The following QSOX1 variants were observed in gnomAD, a reference collection of about 807,000 sequenced individuals.
QSOX1 encodes quiescin sulfhydryl oxidase 1.
QSOX1 carries 40 observed loss-of-function variants against 76.1 expected under a neutral mutation model. The observed-to-expected ratio is 0.53, with a 90% CI of 0.41 to 0.68. The LOEUF is 0.68. Among genes scored for constraint, QSOX1 ranks in the 30% least tolerant of loss-of-function variants. QSOX1 has a pLI of 0.00. For synonymous variants in QSOX1, 392 were observed against 413.1 expected, an observed-to-expected ratio of 0.95 and a Z score of 0.62; for missense variants, 931 against 974.3, an observed-to-expected ratio of 0.96 and a Z score of 0.59.
chr1:180,155,152 C>T lies in QSOX1; in HGVS notation c.245C>T (p.Ala82Val). The T allele has an allele frequency of 1.3e-6, 2 of 1,519,206 alleles. No individual in the cohort carries two copies. Among genetic ancestry groups the T allele is most frequent in the Non-Finnish European group, 1.8e-6 (2 of 1,137,756 alleles). The allele number at this position is 1,519,206 out of a possible 1,614,324, so 94.1% of individuals were successfully genotyped here. The change falls in exon 1 of 12, where the codon GCG becomes GTG. Residue 82 changes from alanine to valine, a missense_variant. Coordinates refer to ENST00000367602, the MANE Select transcript of QSOX1 (RefSeq NM_002826.5). ...HCIAFAPTWK[A>V]LAEDVKAWRP... ...ATCGCCTTCGCCCCGACGTGGAAGG[C>T]GCTGGCCGAAGACGTCAAAGGTGAG...
chr1:180,159,835 C>A (rs1485267118), intron 1 of QSOX1, among the ~76,000 whole-genome samples: 1 of 152,154 alleles, frequency 6.6e-6, no homozygotes, highest in Non-Finnish European at 1.5e-5. Context: ...CAGTCCCAAC[C>A]AATGGCCTCC....
intron 5 of QSOX1, 44 bp from the exon 6 acceptor site, chr1:180,182,130 T>TCCA: frequency 6.2e-7 from 1 of 1,608,070 alleles, no homozygotes; most frequent in Non-Finnish European, 8.5e-7. Flanking sequence ...CCTGGCTCCC[T>TCCA]CCACCCGGTG....
rs1008019689 is a variant in QSOX1 at position 180,203,105 on chromosome 1, T to G, written c.*6068T>G. The G allele has an allele frequency of 6.6e-6, 1 of 151,692 alleles. No homozygotes were observed. The highest frequency in any genetic ancestry group is 1.5e-5 in the Non-Finnish European group (1 of 67,946). 9.4% of individuals were successfully genotyped at this position (151,692 alleles called of 1,614,324 possible). On this transcript the variant is annotated 3_prime_UTR_variant, in exon 12 of 12. Coordinates refer to ENST00000367602, the MANE Select transcript of QSOX1 (RefSeq NM_002826.5). Reference sequence around the variant, plus strand: ...AAAAAATAAAAATAAAAAAATAAAGTAAAGCTACATATTTAAAAGCTGGGG... The same window carrying G: ...AAAAAATAAAAATAAAAAAATAAAGGAAAGCTACATATTTAAAAGCTGGGG...
intron 1 of QSOX1, among the ~76,000 whole-genome samples, chr1:180,156,767 C>A (rs1662384463): frequency 6.6e-6 from 1 of 152,084 alleles, no homozygotes; most frequent in South Asian, 2.1e-4. Context: ...CACATCTGGT[C>A]AGGGGAGGAG....
chr1:180,156,204 T>TAA (rs1300302550), intron 1 of QSOX1, among the ~76,000 whole-genome samples: 1 of 152,220 alleles, frequency 6.6e-6, no homozygotes, highest in Non-Finnish European at 1.5e-5. Context: ...TTCCACAATT[T>TAA]AAAGATTCCT....
chr1:180,186,018 CTTCT>C, intron 7 of QSOX1, 31 bp from the exon 8 acceptor site: 1 of 1,611,100 alleles, frequency 6.2e-7, no homozygotes, highest in South Asian at 1.1e-5. Context: ...ATGGTTAATA[CTTCT>C]TTCTCTCTCT....
intron 2 of QSOX1, among the ~76,000 whole-genome samples, chr1:180,168,000 C>T (rs949779255): frequency 4.6e-5 from 7 of 152,334 alleles, no homozygotes; most frequent in Admixed American, 3.3e-4. Context: ...GAGCATGAGC[C>T]GCAGGGGTGC....
chr1:180,162,454 G>C (rs1294220694), intron 1 of QSOX1, among the ~76,000 whole-genome samples: 1 of 152,114 alleles, frequency 6.6e-6, no homozygotes, highest in Non-Finnish European at 1.5e-5. Context: ...CACTTAATCA[G>C]CCTGGGCATG....
rs915971893 is a variant in QSOX1 at position 180,200,988 on chromosome 1, C to T, written c.*3951C>T. 1.3e-5 allele frequency: 2 copies of T among 152,206 alleles called. No homozygotes were observed. Among genetic ancestry groups the T allele is most frequent in the African/African-American group, 4.8e-5 (2 of 41,450 alleles). The allele number at this position is 152,206 out of a possible 1,614,324, so 9.4% of individuals were successfully genotyped here. ...ATCCGCCTTTTCTAGAGCTCTCGCTCCATTCCCTACATCGAGGCTGAAGTG... is the reference window on the plus strand; with the variant it reads ...ATCCGCCTTTTCTAGAGCTCTCGCTTCATTCCCTACATCGAGGCTGAAGTG... On this transcript the variant is annotated 3_prime_UTR_variant, in exon 12 of 12. Coordinates refer to ENST00000367602, the MANE Select transcript of QSOX1 (RefSeq NM_002826.5).
intron 6 of QSOX1, 86 bp from the exon 7 acceptor site, chr1:180,183,830 A>C: frequency 7.1e-7 from 1 of 1,409,154 alleles, no homozygotes; most frequent in Non-Finnish European, 9.7e-7. Flanking sequence ...CCGATGAGCC[A>C]CCCTTCTTCC....
intron 10 of QSOX1, among the ~76,000 whole-genome samples, chr1:180,192,038 G>A (rs1181057688): frequency 6.6e-6 from 1 of 151,996 alleles, no homozygotes; most frequent in East Asian, 1.9e-4. Flanking sequence ...ATTGGATTAG[G>A]GCCCACCCTA....
chr1:180,158,490 A>G (rs1481486836), intron 1 of QSOX1, among the ~76,000 whole-genome samples: 5 of 151,958 alleles, frequency 3.3e-5, no homozygotes, highest in Admixed American at 3.3e-4. Flanking sequence ...GGTGCCGTGG[A>G]TCCTCTTGAC....
chr1:180,176,586 G>A (rs1662900130), intron 4 of QSOX1, among the ~76,000 whole-genome samples: 1 of 152,202 alleles, frequency 6.6e-6, no homozygotes, highest in South Asian at 2.1e-4. Flanking sequence ...CTGTCAGCCA[G>A]GCAAGCTTCC....
At chr1:180,174,137 G>A (rs1245381958) in intron 2 of QSOX1, among the ~76,000 whole-genome samples, 2 of 152,270 alleles carry the variant, frequency 1.3e-5, no homozygotes, top group Admixed American at 1.3e-4. Context: ...CCCACAGGAA[G>A]AAGCCTCTTC....
intron 1 of QSOX1, among the ~76,000 whole-genome samples, chr1:180,164,520 G>A (rs991455906): frequency 1.3e-5 from 2 of 152,180 alleles, no homozygotes; most frequent in Non-Finnish European, 2.9e-5. Context: ...GTGGCCACAG[G>A]CCTTCCTCCC....
intron 1 of QSOX1, among the ~76,000 whole-genome samples, chr1:180,155,648 C>T (rs907542141): frequency 1.3e-5 from 2 of 152,230 alleles, no homozygotes; most frequent in Admixed American, 1.3e-4. Flanking sequence ...ATCCATTTTG[C>T]CTCCCTGCCA....
chr1:180,195,951 A>G (rs1276293717), intron 11 of QSOX1, among the ~76,000 whole-genome samples: 1 of 152,180 alleles, frequency 6.6e-6, no homozygotes, highest in African/African-American at 2.4e-5. Context: ...TAAAGTCCAC[A>G]TAGCAGGACA....
intron 2 of QSOX1, among the ~76,000 whole-genome samples, chr1:180,171,223 A>G (rs757120121): frequency 5.3e-5 from 8 of 152,198 alleles, no homozygotes; most frequent in Non-Finnish European, 1.2e-4. Flanking sequence ...AAAATACGTC[A>G]TCATCTGTCG....
intron 7 of QSOX1, among the ~76,000 whole-genome samples, chr1:180,185,251 T>C (rs1663143594): frequency 6.6e-6 from 1 of 152,202 alleles, no homozygotes; most frequent in Non-Finnish European, 1.5e-5. Flanking sequence ...TCATGTGTTT[T>C]ACAGGTGAGC....
Sources: allele counts gnomAD v4.1 joint callset (sites outside exome capture counted in the v4.1 genomes callset), GRCh38; gene constraint gnomAD v4.1.1; transcripts MANE v1.5; gene names NCBI Gene and HGNC (gene_info 2026-07-23, HGNC 2026-07-21).